Variants in FDFT1 observed in about 807,000 individuals in gnomAD.
The protein encoded by FDFT1 is farnesyl-diphosphate farnesyltransferase 1.
In FDFT1, 68 loss-of-function variants were observed where a neutral mutation model predicts 46.8. The observed-to-expected ratio is 1.45, with a 90% CI of 1.19 to 1.78. The LOEUF (loss-of-function observed/expected upper bound fraction) is 1.78, where lower values mean the gene tolerates loss of function less well. FDFT1 is among the 40% of genes most tolerant of loss of function. The probability of loss-of-function intolerance (pLI) is 0.00; values close to 1 mark genes in which losing one functional copy is unlikely to be tolerated. For synonymous variants in FDFT1, 351 were observed against 185.1 expected (o/e 1.90, Z -7.28); for missense variants, 928 against 524.4 (o/e 1.77, Z -7.52).
chr8:11,805,244 T>A (rs1806683014), intron 1 of FDFT1, among the ~76,000 whole-genome samples: 1 of 152,074 alleles, frequency 6.6e-6, no homozygotes, highest in Non-Finnish European at 1.5e-5. Context: ...AGGGAAAAAA[T>A]TTACGCTTAG....
chr8:11,835,832 A>AATTT (rs945828677), intron 7 of FDFT1, among the ~76,000 whole-genome samples: 15 of 152,060 alleles, frequency 9.9e-5, no homozygotes, highest in African/African-American at 3.6e-4. Context: ...GTAAGTCTTA[A>AATTT]ATTTTCAAAA....
At chr8:11,827,358 A>C (rs1255976512) in intron 5 of FDFT1, among the ~76,000 whole-genome samples, 1 of 152,120 alleles carries the variant, frequency 6.6e-6, no homozygotes, top group Non-Finnish European at 1.5e-5. Flanking sequence ...AATAAAACTA[A>C]ATTTAAAAGA....
At chr8:11,802,998 G>T in intron 1 of FDFT1, 67 bp downstream of exon 1, 1 of 1,540,766 alleles carries the variant, frequency 6.5e-7, no homozygotes, top group South Asian at 1.2e-5. Flanking sequence ...CAGGGCCTGA[G>T]CGGCCGGGCC....
At chr8:11,833,776 T>C (rs1311584774) in intron 7 of FDFT1, among the ~76,000 whole-genome samples, 2 of 152,230 alleles carry the variant, frequency 1.3e-5, no homozygotes, top group Non-Finnish European at 2.9e-5. Flanking sequence ...GCTGAAAATA[T>C]TTTTTGGCCC....
chr8:11,808,748 C>G (rs1339270742), intron 1 of FDFT1, 46 bp from the exon 2 acceptor site: 2 of 1,598,478 alleles, frequency 1.3e-6, no homozygotes, highest in Non-Finnish European at 1.7e-6. Context: ...ACTCCCACTC[C>G]TGCTCCTCGA....
chr8:11,815,023 C>G (rs971309055), intron 3 of FDFT1, among the ~76,000 whole-genome samples: 8 of 152,154 alleles, frequency 5.3e-5, no homozygotes, highest in Non-Finnish European at 1.0e-4. Context: ...CCCTTGGCCC[C>G]CCACCCCACA....
chr8:11,800,712 C>G (rs1019824134), upstream of FDFT1, among the ~76,000 whole-genome samples: 1 of 152,194 alleles, frequency 6.6e-6, no homozygotes, highest in Non-Finnish European at 1.5e-5. Flanking sequence ...TTTATCATAG[C>G]TAGCAGATAT....
upstream of FDFT1, chr8:11,802,695 C>T (rs952997925): frequency 3.3e-5 from 22 of 670,968 alleles, no homozygotes; most frequent in Non-Finnish European, 5.4e-5. Flanking sequence ...GAGCGGCGGG[C>T]GGGGCGTCGC....
chr8:11,805,368 C>T (rs1238463581), intron 1 of FDFT1, among the ~76,000 whole-genome samples: 3 of 152,192 alleles, frequency 2.0e-5, no homozygotes, highest in South Asian at 2.1e-4. Flanking sequence ...AATCTACGGG[C>T]ATATGCCGCC....
Position 11,824,007 on chromosome 8 carries a change from G to C in FDFT1, c.511-2017G>C, listed in dbSNP as rs979739746. ...GCGATTCACCTGCCTTAGCCTCCCA[G>C]GTGTGAGCCACTACACTCAGCCTTT... On this transcript the variant is annotated intron_variant, in intron 4 of 7. Transcript: ENST00000220584. Among the ~76,000 whole-genome samples, 6 of 152,034 alleles carry C rather than the reference G, an allele frequency of 3.9e-5. No individual in the cohort carries two copies. In the East Asian group the frequency reaches 1.2e-3, roughly 29 times the overall value.
intron 1 of FDFT1, among the ~76,000 whole-genome samples, chr8:11,796,545 C>G (rs771587032): frequency 1.3e-4 from 20 of 152,244 alleles, no homozygotes; most frequent in Admixed American, 7.2e-4. Flanking sequence ...GTGGACACTC[C>G]GAGGCAGGCA....
intron 1 of FDFT1, among the ~76,000 whole-genome samples, chr8:11,796,316 C>A (rs10503424): frequency 6.6e-6 from 1 of 151,916 alleles, no homozygotes; most frequent in African/African-American, 2.4e-5. Flanking sequence ...GTAAACACTC[C>A]GCCAGATACT....
chr8:11,809,105 A>C, intron 2 of FDFT1: 5 of 1,254,310 alleles, frequency 4.0e-6, no homozygotes, highest in East Asian at 3.1e-5. Flanking sequence ...CTTTCAGAGA[A>C]GAGGGGGGAG....
intron 1 of FDFT1, chr8:11,808,221 G>C (rs1173118966): frequency 1.7e-6 from 2 of 1,165,402 alleles, no homozygotes; most frequent in African/African-American, 3.2e-5. Context: ...TTTCAGCGGA[G>C]CCCGAGTAGA....
chr8:11,839,252 G>C lies in FDFT1; in HGVS notation c.*643G>C, dbSNP rs1198832387. 6.6e-6 allele frequency: 1 copy of C among 152,490 alleles called. No individual in the cohort carries two copies. The highest frequency in any genetic ancestry group is 1.5e-5 in the Non-Finnish European group (1 of 68,260). The allele number at this position is 152,490 out of a possible 1,614,324, so 9.4% of individuals were successfully genotyped here. A position where few individuals can be genotyped will look rare whatever the true frequency, so the allele number is the denominator to read the frequency against. On this transcript the variant is annotated 3_prime_UTR_variant, in exon 8 of 8. Transcript: ENST00000220584. ...TTTAGAAGATTGGTCTCCAGTAAAG[G>C]TGGACATTTTTGAGATTTTTATAAT...
intron 7 of FDFT1, among the ~76,000 whole-genome samples, chr8:11,837,641 C>T (rs1811725914): frequency 1.3e-5 from 2 of 152,068 alleles, no homozygotes; most frequent in Admixed American, 1.3e-4. Context: ...TTACAGAGCT[C>T]AGGCTTTTTT....
At chr8:11,819,648 C>G (rs903622798) in intron 3 of FDFT1, among the ~76,000 whole-genome samples, 2 of 151,902 alleles carry the variant, frequency 1.3e-5, no homozygotes, top group Admixed American at 6.6e-5. Context: ...GCTATTGAAG[C>G]TTGTTTATGC....
intron 6 of FDFT1, 143 bp from the exon 7 acceptor site, chr8:11,831,375 G>T (rs747141748): frequency 6.1e-6 from 4 of 652,340 alleles, no homozygotes; most frequent in Non-Finnish European, 1.1e-5. Context: ...TTTCTTCGTG[G>T]GTATTTTTTC....
intron 1 of FDFT1, chr8:11,803,553 C>G (rs189550932): frequency 3.7e-6 from 4 of 1,072,816 alleles, no homozygotes; most frequent in African/African-American, 1.7e-5. Flanking sequence ...TTTTATCTGC[C>G]TCATGCCTGT....
Sources: allele counts gnomAD v4.1 joint callset (sites outside exome capture counted in the v4.1 genomes callset), GRCh38; gene constraint gnomAD v4.1.1; transcripts MANE v1.5; gene names NCBI Gene and HGNC (gene_info 2026-07-23, HGNC 2026-07-21).